PPP3CA: variants seen among roughly 807,000 people sequenced by gnomAD.
The protein encoded by PPP3CA is protein phosphatase 3 catalytic subunit alpha.
A neutral mutation model predicts 66.5 loss-of-function variants in PPP3CA; 14 were observed. That is an observed-to-expected ratio of 0.21 (90% CI 0.14 to 0.33). PPP3CA has a LOEUF of 0.33. Ranked by LOEUF, PPP3CA falls within the 10% of genes least tolerant of loss-of-function variation. The probability of loss-of-function intolerance (pLI) is 1.00; values close to 1 mark genes in which losing one functional copy is unlikely to be tolerated. For missense variants in PPP3CA, 317 were observed against 639.5 expected (o/e 0.50, Z 5.44); for synonymous variants, 232 against 226.2 (o/e 1.03, Z -0.23).
chr4:101,174,043 C>A (rs1431576843), intron 2 of PPP3CA, among the ~76,000 whole-genome samples: 3 of 151,910 alleles, frequency 2.0e-5, no homozygotes, highest in African/African-American at 7.3e-5. Context: ...CAGAATGAGA[C>A]CCTTTCTTAA....
chr4:101,292,279 T>C (rs1728052897), intron 1 of PPP3CA, among the ~76,000 whole-genome samples: 1 of 152,200 alleles, frequency 6.6e-6, no homozygotes, highest in Middle Eastern at 3.2e-3. Flanking sequence ...AATTAAAATA[T>C]GGGTGTTTTG....
chr4:101,182,575 A>G (rs950211678), intron 2 of PPP3CA, among the ~76,000 whole-genome samples: 1 of 152,296 alleles, frequency 6.6e-6, no homozygotes, highest in East Asian at 1.9e-4. Flanking sequence ...AGGTTCATTA[A>G]AAGAACAATA....
intron 3 of PPP3CA, among the ~76,000 whole-genome samples, chr4:101,106,478 A>AG (rs1560605320): frequency 1.1e-4 from 8 of 75,428 alleles, no homozygotes; most frequent in African/African-American, 6.4e-4. Flanking sequence ...AAGAAAAGAA[A>AG]AGAAAAGAAA....
intron 1 of PPP3CA, among the ~76,000 whole-genome samples, chr4:101,332,262 A>G (rs1474218564): frequency 2.0e-5 from 3 of 152,242 alleles, no homozygotes; most frequent in Non-Finnish European, 2.9e-5. Context: ...GCCAGTGATC[A>G]GCCTACAGGC....
intron 2 of PPP3CA, among the ~76,000 whole-genome samples, chr4:101,179,648 T>C (rs1724173581): frequency 6.6e-6 from 1 of 152,172 alleles, no homozygotes; most frequent in South Asian, 2.1e-4. Flanking sequence ...GACTTCATGC[T>C]AAGAGCAACT....
chr4:101,204,542 A>T (rs950698447), intron 1 of PPP3CA, among the ~76,000 whole-genome samples: 1 of 151,114 alleles, frequency 6.6e-6, no homozygotes, highest in Non-Finnish European at 1.5e-5. Flanking sequence ...AGGCTGAGGC[A>T]GGAGAATGGC....
chr4:101,189,782 T>A (rs2110184013), intron 2 of PPP3CA, among the ~76,000 whole-genome samples: 1 of 146,866 alleles, frequency 6.8e-6, no homozygotes, highest in South Asian at 2.1e-4. Flanking sequence ...CTATAAAAAA[T>A]TATGATCTAC....
At chr4:101,337,072 T>TA (rs1380437296) in intron 1 of PPP3CA, among the ~76,000 whole-genome samples, 3 of 152,218 alleles carry the variant, frequency 2.0e-5, no homozygotes, top group Admixed American at 6.5e-5. Flanking sequence ...ATTTTAGGCT[T>TA]AGACTATTCT....
intron 8 of PPP3CA, among the ~76,000 whole-genome samples, chr4:101,065,685 CTCATAAATTATAAA>C (rs1332865544): frequency 6.6e-5 from 10 of 152,058 alleles, no homozygotes; most frequent in South Asian, 2.1e-4. Flanking sequence ...CCTGCTGTCT[CTCATAAATTATAAA>C]TGTTTGAATT....
rs796999898 is a variant in PPP3CA at position 101,032,935 on chromosome 4, C to T, written c.1242-571G>A. ...AAAATAATGGCAAGCAGCCAATAAA[C>T]CTACTGGTAAAATTTCCCAGATTTT... is the stretch of plus-strand genomic sequence containing the variant. On this transcript the variant is annotated intron_variant, in intron 11 of 13. Coordinates refer to ENST00000394854, the MANE Select transcript of PPP3CA (RefSeq NM_000944.5). Among the ~76,000 whole-genome samples, 19 of 152,178 alleles carry T rather than the reference C, an allele frequency of 1.2e-4. 1 individual carries two copies. Among genetic ancestry groups the T allele is most frequent in the African/African-American group, 4.6e-4 (19 of 41,520 alleles).
At chr4:101,135,902 A>T (rs940573724) in intron 2 of PPP3CA, among the ~76,000 whole-genome samples, 18 of 152,220 alleles carry the variant, frequency 1.2e-4, no homozygotes, top group African/African-American at 4.3e-4. Context: ...CTCTGGTTCA[A>T]ATGGCAGCAC....
intron 1 of PPP3CA, among the ~76,000 whole-genome samples, chr4:101,281,961 G>T (rs1480269398): frequency 1.3e-5 from 2 of 152,082 alleles, no homozygotes; most frequent in African/African-American, 4.8e-5. Context: ...TAGACCTCAG[G>T]GGGCCTATAA....
chr4:101,255,361 C>T lies in PPP3CA; in HGVS notation c.59-59245G>A, dbSNP rs149161241. 2.6e-4 allele frequency among the ~76,000 whole-genome samples: 40 copies of T among 151,962 alleles called. 1 individual carries two copies. Among genetic ancestry groups the T allele is most frequent in the South Asian group, 1.2e-3 (6 of 4,832 alleles). On this transcript the variant is annotated intron_variant, in intron 1 of 13. Coordinates refer to ENST00000394854, the MANE Select transcript of PPP3CA (RefSeq NM_000944.5). Reference sequence around the variant, plus strand: ...CGTTAGCTTTTTAAAAAGGAAACAACGTAATGTCTCCATGTTATTTACATG... The same window carrying T: ...CGTTAGCTTTTTAAAAAGGAAACAATGTAATGTCTCCATGTTATTTACATG...
rs70961788 is a variant in PPP3CA, at chr4:101,333,270, G to GTTT, written c.58+13466_58+13468dup. 3.0e-4 allele frequency among the ~76,000 whole-genome samples: 14 copies of GTTT among 47,270 alleles called. 3 individuals carry two copies. Among genetic ancestry groups the GTTT allele is most frequent in the South Asian group, 8.2e-4 (1 of 1,218 alleles). The allele number at this position is 47,270 out of a possible 152,430, so 31.0% of individuals were successfully genotyped here. On this transcript the variant is annotated intron_variant, in intron 1 of 13. Transcript: ENST00000394854. ...CTACAGGCATGCACTACCATGCCCA[G>GTTT]TTTTTTTTTTTTTTTTTTTTTTTTT...
At chr4:101,307,356 A>G (rs768776882) in intron 1 of PPP3CA, among the ~76,000 whole-genome samples, 5 of 152,082 alleles carry the variant, frequency 3.3e-5, no homozygotes, top group Non-Finnish European at 5.9e-5. Flanking sequence ...AATAGCTGCC[A>G]TATGTCAAGT....
chr4:101,112,986 T>G (rs1721722777), intron 2 of PPP3CA, among the ~76,000 whole-genome samples: 1 of 152,140 alleles, frequency 6.6e-6, no homozygotes, highest in South Asian at 2.1e-4. Context: ...TTGAAAATCC[T>G]CAACTAAGAG....
intron 7 of PPP3CA, among the ~76,000 whole-genome samples, chr4:101,081,747 G>A (rs1729448785): frequency 6.6e-6 from 1 of 152,008 alleles, no homozygotes; most frequent in Non-Finnish European, 1.5e-5. Flanking sequence ...CTCTCTTTTT[G>A]GAACTTGGTC....
rs180762511 is a variant in PPP3CA, at chr4:101,233,168, G to T, written c.59-37052C>A. 3.9e-3 allele frequency among the ~76,000 whole-genome samples: 592 copies of T among 151,796 alleles called. 4 individuals carry two copies. Among genetic ancestry groups the T allele is most frequent in the African/African-American group, 0.014 (564 of 41,494 alleles). On this transcript the variant is annotated intron_variant, in intron 1 of 13. Transcript: ENST00000394854. Reference sequence around the variant, plus strand: ...ATTAGAAAGAATTTGAAAATGTACAGATACAAAGAATAGCTGTCTAGACAC... The same window carrying T: ...ATTAGAAAGAATTTGAAAATGTACATATACAAAGAATAGCTGTCTAGACAC...
intron 12 of PPP3CA, among the ~76,000 whole-genome samples, chr4:101,029,883 T>C (rs1560569230): frequency 6.6e-6 from 1 of 151,608 alleles, no homozygotes; most frequent in African/African-American, 2.4e-5. Flanking sequence ...GGACTTCGTT[T>C]TCCAGCAAGC....
Sources: gnomAD v4.1 joint callset for allele counts (sites outside exome capture counted in the v4.1 genomes callset) on GRCh38, gnomAD v4.1.1 for gene constraint, MANE v1.5 for transcripts, NCBI Gene and HGNC (gene_info 2026-07-23, HGNC 2026-07-21) for gene names.